The following HRH2 variants were observed in gnomAD, a reference collection of about 807,000 sequenced individuals.
HRH2 encodes histamine H2 receptor.
In HRH2, 4 loss-of-function variants were observed where a neutral mutation model predicts 20.1. The ratio of observed to expected loss-of-function variants is 0.20; its 90% CI spans 0.10 to 0.45. The LOEUF is 0.45. HRH2 is among the 20% of genes least tolerant of loss of function. The pLI is 0.99. For missense variants in HRH2, 250 were observed against 461.6 expected, an observed-to-expected ratio of 0.54 and a Z score of 4.20; for synonymous variants, 197 against 200.7, an observed-to-expected ratio of 0.98 and a Z score of 0.16.
chr5:175,669,364 C>CA (rs1755433740), intron 1 of HRH2, among the ~76,000 whole-genome samples: 1 of 133,132 alleles, frequency 7.5e-6, no homozygotes, highest in Non-Finnish European at 1.6e-5. Context: ...TTCTTTCTTT[C>CA]TTTTTTTTTT....
At chr5:175,665,948 A>G (rs1762875579) in intron 1 of HRH2, among the ~76,000 whole-genome samples, 1 of 152,208 alleles carries the variant, frequency 6.6e-6, no homozygotes, top group African/African-American at 2.4e-5. Flanking sequence ...TTTCATTGAA[A>G]AGTTAGGACA....
chr5:175,693,363 G>A lies in HRH2; in HGVS notation c.1076+9054G>A, dbSNP rs7735134. Reference sequence around the variant, plus strand: ...GGAGACAGGAAGTCGAGGTGGTCCCGACTGCCAAAAACTGGCACGTGGTGC... The same window carrying A: ...GGAGACAGGAAGTCGAGGTGGTCCCAACTGCCAAAAACTGGCACGTGGTGC... On this transcript the variant is annotated intron_variant, in intron 2 of 2. Coordinates refer to ENST00000636584, the MANE Select transcript of HRH2 (RefSeq NM_001367711.1). The surrounding 1 kb of genome is among the most constrained non-coding windows in gnomAD (Gnocchi z 4.4). Among the ~76,000 whole-genome samples, 1,786 of 152,298 alleles carry A rather than the reference G, an allele frequency of 0.012. 38 individuals are homozygous for A. The highest frequency in any genetic ancestry group is 0.04 in the African/African-American group (1,653 of 41,550).
chr5:175,698,614 T>G (rs1171083411), intron 2 of HRH2, among the ~76,000 whole-genome samples: 1 of 152,048 alleles, frequency 6.6e-6, no homozygotes, highest in African/African-American at 2.4e-5. Context: ...CCTGCTAGAG[T>G]CAAAGCCAAC....
intron 1 of HRH2, among the ~76,000 whole-genome samples, chr5:175,661,782 G>A (rs1762743845): frequency 1.3e-5 from 2 of 152,298 alleles, no homozygotes; most frequent in Non-Finnish European, 2.9e-5. Flanking sequence ...AGCACTTTAG[G>A]AGGCCGAGGC....
intron 2 of HRH2, among the ~76,000 whole-genome samples, chr5:175,707,057 G>T (rs1267538334): frequency 6.6e-6 from 1 of 152,198 alleles, no homozygotes; most frequent in Non-Finnish European, 1.5e-5. Flanking sequence ...CTTTGACGGG[G>T]CTCCTACTAC....
intron 1 of HRH2, among the ~76,000 whole-genome samples, chr5:175,671,095 G>A (rs564213669): frequency 5.3e-5 from 8 of 152,348 alleles, no homozygotes; most frequent in South Asian, 2.1e-4. Context: ...AGAGTGCTGC[G>A]TGGGGATGGG....
chr5:175,674,646 C>T (rs751520825), intron 1 of HRH2, among the ~76,000 whole-genome samples: 13 of 152,174 alleles, frequency 8.5e-5, no homozygotes, highest in Non-Finnish European at 1.9e-4. Context: ...ACTTTTCAGC[C>T]TGTGCAGAGG....
Position 175,708,111 on chromosome 5 carries a change from T to G in HRH2, c.*140T>G, listed in dbSNP as rs1239126607. 7.5e-6 allele frequency: 3 copies of G among 397,364 alleles called. No individual in the cohort carries two copies. Among genetic ancestry groups the G allele is most frequent in the Non-Finnish European group, 1.3e-5 (3 of 225,788 alleles). 24.6% of individuals were successfully genotyped at this position (397,364 alleles called of 1,614,324 possible). On this transcript the variant is annotated 3_prime_UTR_variant, in exon 3 of 3. Transcript: ENST00000636584. ...GGCTCCCAGAACACACAGCTGGGTG[T>G]GGGGTCCTCAGGCCTAGGGCGGAAC...
chr5:175,691,641 G>A (rs1337656741), intron 2 of HRH2, among the ~76,000 whole-genome samples: 1 of 151,770 alleles, frequency 6.6e-6, no homozygotes, highest in East Asian at 1.9e-4. Flanking sequence ...CCGGCGCTTT[G>A]GGAGGCTGAA....
intron 1 of HRH2, among the ~76,000 whole-genome samples, chr5:175,669,359 T>C (rs1449276415): frequency 6.9e-6 from 1 of 145,106 alleles, no homozygotes; most frequent in African/African-American, 2.8e-5. Context: ...AGAATTTCTT[T>C]CTTTCTTTTT....
At chr5:175,671,987 A>G (rs1755561577) in intron 1 of HRH2, among the ~76,000 whole-genome samples, 1 of 152,094 alleles carries the variant, frequency 6.6e-6, no homozygotes, top group African/African-American at 2.4e-5. Flanking sequence ...CCTGAACATG[A>G]GGAGCACTGT....
At chr5:175,700,120 C>G (rs1227899754) in intron 2 of HRH2, among the ~76,000 whole-genome samples, 1 of 152,168 alleles carries the variant, frequency 6.6e-6, no homozygotes, top group African/African-American at 2.4e-5. Flanking sequence ...GAATCTCACA[C>G]CTCCTCCTAT....
chr5:175,700,053 G>A (rs763312405), intron 2 of HRH2, among the ~76,000 whole-genome samples: 3 of 152,196 alleles, frequency 2.0e-5, no homozygotes, highest in Non-Finnish European at 4.4e-5. Flanking sequence ...GGAGTTGTGT[G>A]AGACCCAGCA....
chr5:175,702,818 C>T (rs1414653915), intron 2 of HRH2, among the ~76,000 whole-genome samples: 8 of 151,246 alleles, frequency 5.3e-5, no homozygotes, highest in African/African-American at 1.9e-4. Flanking sequence ...CCGCCCACCT[C>T]GGCCTCCCAA....
intron 2 of HRH2, among the ~76,000 whole-genome samples, chr5:175,684,897 A>T (rs1756115575): frequency 6.6e-6 from 1 of 152,148 alleles, no homozygotes; most frequent in Non-Finnish European, 1.5e-5. Context: ...GATACTGTAG[A>T]TTTTAGGAAA....
At chr5:175,667,804 T>C (rs1318266039) in intron 1 of HRH2, among the ~76,000 whole-genome samples, 1 of 152,230 alleles carries the variant, frequency 6.6e-6, no homozygotes, top group African/African-American at 2.4e-5. Context: ...ATATTGCCTA[T>C]TGTCGAGAAT....
rs908927226 is a variant in HRH2, at chr5:175,670,185, C to G, written c.-526+12030C>G. ...ATTGGAGCCAGGCCTGTAATCCCAG[C>G]TACTCAGGGAGCCAAAGCAGAAGGA... On this transcript the variant is annotated intron_variant, in intron 1 of 2. Transcript: ENST00000636584. Among the ~76,000 whole-genome samples the G allele has an allele frequency of 5.6e-4, 85 of 152,176 alleles. 3 individuals are homozygous for G. The highest frequency in any genetic ancestry group is 5.6e-3 in the Admixed American group (85 of 15,268).
chr5:175,660,498 A>T (rs997267476), intron 1 of HRH2, among the ~76,000 whole-genome samples: 1 of 152,196 alleles, frequency 6.6e-6, no homozygotes, highest in Non-Finnish European at 1.5e-5. Flanking sequence ...GCTTAGAAAA[A>T]AGACTGGAAG....
intron 2 of HRH2, among the ~76,000 whole-genome samples, chr5:175,702,904 T>C (rs1258628128): frequency 6.6e-6 from 1 of 152,090 alleles, no homozygotes; most frequent in African/African-American, 2.4e-5. Context: ...GATCACCATA[T>C]TTTGATAAAC....
Sources: gnomAD v4.1 joint callset for allele counts (sites outside exome capture counted in the v4.1 genomes callset) on GRCh38, gnomAD v4.1.1 for gene constraint, Gnocchi (gnomAD v3.1) non-coding constraint, MANE v1.5 for transcripts, NCBI Gene and HGNC (gene_info 2026-07-23, HGNC 2026-07-21) for gene names.